Variants in PXN observed in about 807,000 individuals in gnomAD.
The protein encoded by PXN is paxillin, also known as testicular tissue protein Li 134.
Under a neutral mutation model 103.6 loss-of-function variants are expected in PXN, and 61 were observed. That is an observed-to-expected ratio of 0.59 (90% CI 0.48 to 0.73). The LOEUF (loss-of-function observed/expected upper bound fraction) is 0.73, where lower values mean the gene tolerates loss of function less well. PXN is among the 30% of genes least tolerant of loss of function. PXN has a pLI of 0.00. For synonymous variants in PXN, 562 were observed against 607.8 expected (o/e 0.92, Z 1.11); for missense variants, 1,274 against 1,460.3 (o/e 0.87, Z 2.08).
intron 1 of PXN, among the ~76,000 whole-genome samples, chr12:120,251,777 A>G (rs966929647): frequency 4.6e-5 from 7 of 152,320 alleles, no homozygotes; most frequent in South Asian, 2.1e-4. Flanking sequence ...AGATTGTGCC[A>G]CTGTACTCCA....
chr12:120,238,471 C>T (rs1302519501), intron 1 of PXN, among the ~76,000 whole-genome samples: 1 of 152,172 alleles, frequency 6.6e-6, no homozygotes, highest in Non-Finnish European at 1.5e-5. Flanking sequence ...GCTGGCTATG[C>T]CAGGGATTGA....
chr12:120,228,768 C>T lies in PXN; in HGVS notation c.14-4391G>A, dbSNP rs868351655. Among the ~76,000 whole-genome samples the T allele has an allele frequency of 2.0e-5, 3 of 152,210 alleles. No individual in the cohort carries two copies. Among genetic ancestry groups the T allele is most frequent in the African/African-American group, 4.8e-5 (2 of 41,446 alleles). ...GGAGAACCAGAGGGGTGCACGCCCT[C>T]GCTTCCAGGGCCCTGTGCAAATGCA... On this transcript the variant is annotated intron_variant, in intron 1 of 14. Coordinates refer to ENST00000637617, the MANE Select transcript of PXN (RefSeq NM_001385981.1). This position sits in a 1 kb window ranked among gnomAD's most constrained non-coding sequence, Gnocchi z 4.7.
Position 120,217,040 on chromosome 12 carries a change from C to T in PXN, c.1793G>A (p.Arg598Gln), listed in dbSNP as rs760414637. 25 of 1,588,302 alleles carry T rather than the reference C, an allele frequency of 1.6e-5. 1 individual carries two copies. The highest frequency in any genetic ancestry group is 7.9e-5 in the South Asian group (7 of 88,890). Reference sequence around the variant, plus strand: ...CCTGCTCAAGGTGGCAGGGTCCAGCCGGCGGCGAGGGGAGGGCTCCCGGGA... The same window carrying T: ...CCTGCTCAAGGTGGCAGGGTCCAGCTGGCGGCGAGGGGAGGGCTCCCGGGA... The part of the protein sequence containing the change: ...PMSREPSPRR[R>Q]LDPATLSRTP... Residue 598 changes from arginine (R) to glutamine (Q), a missense_variant, in exon 8 of 15, where the codon CGG becomes CAG. Arg to Gln is a conservative substitution (Grantham distance 43, BLOSUM62 1). Coordinates refer to ENST00000637617, the MANE Select transcript of PXN (RefSeq NM_001385981.1). This position sits in a 1 kb window ranked among gnomAD's most constrained non-coding sequence, Gnocchi z 4.1.
intron 1 of PXN, chr12:120,247,391 G>A (rs1891351510): frequency 6.6e-6 from 1 of 152,536 alleles, no homozygotes; most frequent in African/African-American, 2.4e-5. Flanking sequence ...GCCTGCTCCT[G>A]AGTTGCCACT....
In PXN at chr12:120,222,825, G is replaced by A. The variant is rs1885591607; in HGVS notation, c.493+38C>T. 1 of 1,609,428 alleles carries A rather than the reference G, an allele frequency of 6.2e-7. No homozygotes were observed. On this transcript the variant is annotated intron_variant, in intron 4 of 14. Transcript: ENST00000637617. The surrounding 1 kb of genome is among the most constrained non-coding windows in gnomAD (Gnocchi z 4.7). ...ATCTAGAGGTCAGCAGATGGGCCCT[G>A]GGCCCTGGTAGACCCTGCCCCAGGG...
Position 120,215,999 on chromosome 12 carries a change from C to A in PXN, c.2301+274G>T. On this transcript the variant is annotated intron_variant, in intron 9 of 14. Transcript: ENST00000637617. This position sits in a 1 kb window ranked among gnomAD's most constrained non-coding sequence, Gnocchi z 4.9. ...GTCTCCCTTCTGGAGTGGCTTCTTTCCTCGATGGGAGCCCGGGGCAGTACT... is the reference window on the plus strand; with the variant it reads ...GTCTCCCTTCTGGAGTGGCTTCTTTACTCGATGGGAGCCCGGGGCAGTACT... 5.2e-6 allele frequency: 7 copies of A among 1,346,136 alleles called. No individual in the cohort carries two copies. Among genetic ancestry groups the A allele is most frequent in the Admixed American group, 3.1e-5 (1 of 32,000 alleles). 83.4% of individuals were successfully genotyped at this position (1,346,136 alleles called of 1,614,324 possible).
At position 120,220,081 on chromosome 12, in the gene PXN, G is replaced by C. The variant is rs1884644257; in HGVS notation, c.842C>G (p.Ser281Cys). ...CCCCGGGGCACTCAGAGCCACAGTG[G>C]AGGAGCTGGTCTGGAGAAGAGAGAA... is the stretch of plus-strand genomic sequence containing the variant. ...ASLSDFKTSS[S>C]TVALSAPGLS... The change falls in exon 7 of 15, where the codon TCC (serine) becomes TGC (cysteine). Residue 281 changes from serine to cysteine, a missense_variant. Ser to Cys is a moderately radical substitution (Grantham distance 112). Transcript: ENST00000637617. This position sits in a 1 kb window ranked among gnomAD's most constrained non-coding sequence, Gnocchi z 6.1. The C allele has an allele frequency of 8.1e-7, 1 of 1,239,052 alleles. No homozygotes were observed. The highest frequency in any genetic ancestry group is 1.1e-6 in the Non-Finnish European group (1 of 896,546). The allele number at this position is 1,239,052 out of a possible 1,614,324, so 76.8% of individuals were successfully genotyped here.
chr12:120,248,923 G>C (rs1463921470), intron 1 of PXN, among the ~76,000 whole-genome samples: 1 of 152,028 alleles, frequency 6.6e-6, no homozygotes, highest in Non-Finnish European at 1.5e-5. Context: ...GATCACCTGA[G>C]GTCAGGAGTT....
rs149248300 is a variant in PXN at position 120,250,969 on chromosome 12, C to T, written c.13+14648G>A. 8.0e-3 allele frequency among the ~76,000 whole-genome samples: 1,218 copies of T among 152,188 alleles called. 12 individuals carry two copies. The highest frequency in any genetic ancestry group is 0.028 in the African/African-American group (1,162 of 41,512). ...CTGTAATCCCAACACTTTGGGAGGC[C>T]GAGGTGAGCAGATCACTTGAGGCCA... On this transcript the variant is annotated intron_variant, in intron 1 of 14. Coordinates refer to ENST00000637617, the MANE Select transcript of PXN (RefSeq NM_001385981.1).
rs1349842915 is a variant in PXN, at chr12:120,214,705, C to T, written c.2748+120G>A. On this transcript the variant is annotated intron_variant, in intron 12 of 14. Coordinates refer to ENST00000637617, the MANE Select transcript of PXN (RefSeq NM_001385981.1). This position sits in a 1 kb window ranked among gnomAD's most constrained non-coding sequence, Gnocchi z 5.0. ...TGAATCCGGCCCCACTGTTCCCTAG[C>T]CCTGTGAGCCTCGGGCATGTGACCT... 8 of 1,332,500 alleles carry T rather than the reference C, an allele frequency of 6.0e-6. No homozygotes were observed. The highest frequency in any genetic ancestry group is 3.8e-5 in the Admixed American group (2 of 52,446). 82.5% of individuals were successfully genotyped at this position (1,332,500 alleles called of 1,614,324 possible). A position where few individuals can be genotyped will look rare whatever the true frequency, so the allele number is the denominator to read the frequency against.
At chr12:120,232,797 A>G (rs1844881910) in intron 1 of PXN, among the ~76,000 whole-genome samples, 2 of 151,910 alleles carry the variant, frequency 1.3e-5, no homozygotes, top group Admixed American at 6.6e-5. Context: ...GATGAGCTGC[A>G]GTTTTTTTGC....
rs954605582 is a variant in PXN, at chr12:120,214,603, A to G, written c.2748+222T>C. Among the ~76,000 whole-genome samples the G allele has an allele frequency of 3.3e-5, 5 of 152,152 alleles. No individual in the cohort carries two copies. The highest frequency in any genetic ancestry group is 1.2e-4 in the African/African-American group (5 of 41,426). On this transcript the variant is annotated intron_variant, in intron 12 of 14. Transcript: ENST00000637617. This position sits in a 1 kb window ranked among gnomAD's most constrained non-coding sequence, Gnocchi z 5.0. ...CTGAGTCCTGGGAGTCTCCACAGAAAGGAATCGAGATGGGAGGTGAAGGGA... is the reference window on the plus strand; with the variant it reads ...CTGAGTCCTGGGAGTCTCCACAGAAGGGAATCGAGATGGGAGGTGAAGGGA...
At position 120,225,108 on chromosome 12, in the gene PXN, GC is replaced by G; in HGVS notation, c.14-732del. 1 of 209,188 alleles carries G rather than the reference GC, an allele frequency of 4.8e-6. No individual in the cohort carries two copies. The highest frequency in any genetic ancestry group is 6.6e-5 in the South Asian group (1 of 15,132). The allele number at this position is 209,188 out of a possible 1,614,324, so 13.0% of individuals were successfully genotyped here. On this transcript the variant is annotated intron_variant, in intron 1 of 14. Coordinates refer to ENST00000637617, the MANE Select transcript of PXN (RefSeq NM_001385981.1). The surrounding 1 kb of genome is among the most constrained non-coding windows in gnomAD (Gnocchi z 4.4). ...TTCTGCTTTTAACAGCGGCAAGGGAGCCAAATCAGCCCTCTAGTGTAAGCTT... is the reference window on the plus strand; with the variant it reads ...TTCTGCTTTTAACAGCGGCAAGGGAGCAAATCAGCCCTCTAGTGTAAGCTT...
chr12:120,223,451 G>GAAAAAAAGA (rs745879919), intron 3 of PXN, among the ~76,000 whole-genome samples: 52 of 151,280 alleles, frequency 3.4e-4, no homozygotes, highest in Non-Finnish European at 6.5e-4. Flanking sequence ...CAAAAAAAAA[G>GAAAAAAAGA]AAAAAAAGAA....
intron 1 of PXN, among the ~76,000 whole-genome samples, chr12:120,227,892 C>T (rs1034628384): frequency 6.6e-6 from 1 of 152,194 alleles, no homozygotes; most frequent in Non-Finnish European, 1.5e-5. Context: ...GCTCAGCAAA[C>T]GTCCCCCCTG....
chr12:120,235,569 A>G (rs1027744755), intron 1 of PXN, among the ~76,000 whole-genome samples: 2 of 152,160 alleles, frequency 1.3e-5, no homozygotes, highest in African/African-American at 4.8e-5. Context: ...CTCCACTCCC[A>G]CAACACACAT....
At chr12:120,259,808 G>C (rs1256811260) in intron 1 of PXN, among the ~76,000 whole-genome samples, 1 of 152,214 alleles carries the variant, frequency 6.6e-6, no homozygotes, top group Non-Finnish European at 1.5e-5. Flanking sequence ...CCCAGGTGAG[G>C]AGGGCACCCT....
In PXN at chr12:120,215,027, G is replaced by A. The variant is rs1323021766; in HGVS notation, c.2575-29C>T. The A allele has an allele frequency of 6.2e-7, 1 of 1,607,290 alleles. No individual in the cohort carries two copies. The highest frequency in any genetic ancestry group is 2.2e-5 in the East Asian group (1 of 44,526). On this transcript the variant is annotated intron_variant, in intron 11 of 14. Transcript: ENST00000637617. This position sits in a 1 kb window ranked among gnomAD's most constrained non-coding sequence, Gnocchi z 4.9. ...AGGAGGAGATGGAATGCGGTCCAGG[G>A]CCAAGGCCAGCCCCGGAGCACCCCC...
At position 120,222,897 on chromosome 12, in the gene PXN, G is replaced by A. The variant is rs368729481; in HGVS notation, c.459C>T (p.Asn153=). Residue 153 remains asparagine (N), a synonymous_variant, in exon 4 of 15, where the codon AAC becomes AAT. Coordinates refer to ENST00000637617, the MANE Select transcript of PXN (RefSeq NM_001385981.1). This position sits in a 1 kb window ranked among gnomAD's most constrained non-coding sequence, Gnocchi z 4.7. ...SELDRLLLEL[N]AVQHNPPGFP... is the part of the protein sequence containing the mutation. ...AGCCTGGCGGGTTATGCTGTACAGC[G>A]TTCAGTTCCAGCAGCAGGCGGTCGA... The A allele has an allele frequency of 1.3e-5, 21 of 1,613,866 alleles. No individual in the cohort carries two copies. Among genetic ancestry groups the A allele is most frequent in the Admixed American group, 6.7e-5 (4 of 60,004 alleles).
Sources: gnomAD v4.1 joint callset for allele counts (sites outside exome capture counted in the v4.1 genomes callset) on GRCh38, gnomAD v4.1.1 for gene constraint, Gnocchi (gnomAD v3.1) non-coding constraint, MANE v1.5 for transcripts, NCBI Gene and HGNC (gene_info 2026-07-23, HGNC 2026-07-21) for gene names.